Variants in NIPAL2 observed in about 807,000 individuals in gnomAD.
NIPAL2 encodes the protein NIPA like domain containing 2.
In NIPAL2, 43 loss-of-function variants were observed where a neutral mutation model predicts 48.9. That is an observed-to-expected ratio of 0.88 (90% confidence interval 0.69 to 1.13). The LOEUF is 1.13. Ranked by LOEUF, NIPAL2 falls within the 50% of genes most tolerant of loss-of-function variation. NIPAL2 has a pLI of 0.00. For synonymous variants in NIPAL2, 167 were observed against 174.6 expected, an observed-to-expected ratio of 0.96 and a Z score of 0.34; for missense variants, 446 against 461.4, an observed-to-expected ratio of 0.97 and a Z score of 0.31.
chr8:98,247,233 A>G (rs1433419471), intron 3 of NIPAL2, among the ~76,000 whole-genome samples: 1 of 152,224 alleles, frequency 6.6e-6, no homozygotes, highest in African/African-American at 2.4e-5. Context: ...AGAACGGAAC[A>G]TCCTATCCTT....
chr8:98,199,289 C>T (rs1810700479), intron 8 of NIPAL2, among the ~76,000 whole-genome samples: 2 of 152,124 alleles, frequency 1.3e-5, no homozygotes, highest in Admixed American at 1.3e-4. Flanking sequence ...CACAACTTGG[C>T]TAAATGTTTG....
At chr8:98,260,496 C>T (rs1044056756) in intron 1 of NIPAL2, among the ~76,000 whole-genome samples, 11 of 151,660 alleles carry the variant, frequency 7.3e-5, no homozygotes, top group East Asian at 1.9e-4. Context: ...GTTCCCTTTC[C>T]GAGTCAAAGA....
chr8:98,194,946 T>C, intron 9 of NIPAL2, 124 bp from the exon 10 acceptor site: 1 of 519,840 alleles, frequency 1.9e-6, no homozygotes, highest in Non-Finnish European at 3.2e-6. Flanking sequence ...CAGTTTCTCA[T>C]GGTAAGCTTC....
chr8:98,283,906 A>G (rs1370832875), intron 1 of NIPAL2, among the ~76,000 whole-genome samples: 1 of 152,218 alleles, frequency 6.6e-6, no homozygotes, highest in Non-Finnish European at 1.5e-5. Context: ...GATCTCTGCC[A>G]GAGACTCCTG....
chr8:98,195,748 T>G, intron 9 of NIPAL2, 194 bp downstream of exon 9: 1 of 459,674 alleles, frequency 2.2e-6, no homozygotes, highest in Non-Finnish European at 4.0e-6. Flanking sequence ...AGCAGAGATA[T>G]ACCTAAGTCA....
At chr8:98,256,176 A>G (rs546912311) in intron 1 of NIPAL2, among the ~76,000 whole-genome samples, 1 of 152,194 alleles carries the variant, frequency 6.6e-6, no homozygotes, top group South Asian at 2.1e-4. Context: ...GGCGTGCACC[A>G]CCACACCCAG....
At chr8:98,263,219 C>T (rs1814474755) in intron 1 of NIPAL2, among the ~76,000 whole-genome samples, 1 of 129,780 alleles carries the variant, frequency 7.7e-6, no homozygotes, top group East Asian at 2.2e-4. Context: ...ATTAAAAGAA[C>T]TAGAAAAGCA....
At position 98,293,995 on chromosome 8, in the gene NIPAL2, G is replaced by T. The variant is rs943729846; in HGVS notation, c.135+8C>A. 50 of 1,479,304 alleles carry T rather than the reference G, an allele frequency of 3.4e-5. No individual in the cohort carries two copies. Among genetic ancestry groups the T allele is most frequent in the African/African-American group, 4.4e-5 (3 of 68,172 alleles). The allele number at this position is 1,479,304 out of a possible 1,614,324, so 91.6% of individuals were successfully genotyped here. A position where few individuals can be genotyped will look rare whatever the true frequency, so the allele number is the denominator to read the frequency against. On this transcript the variant is annotated splice_region_variant and intron_variant, in intron 1 of 10. Transcript: ENST00000430223. ...ACCGGGCTGCGGTGGCTGCGGGGCGGCCCTTACCTGGTTCCTGCGGTACCA... is the reference window on the plus strand; with the variant it reads ...ACCGGGCTGCGGTGGCTGCGGGGCGTCCCTTACCTGGTTCCTGCGGTACCA...
intron 6 of NIPAL2, among the ~76,000 whole-genome samples, chr8:98,211,096 A>G (rs1811288176): frequency 6.6e-6 from 1 of 152,198 alleles, no homozygotes; most frequent in Admixed American, 6.5e-5. Context: ...TTACAGCTGT[A>G]CTAGTGCAAA....
At chr8:98,280,431 A>G (rs1402526074) in intron 1 of NIPAL2, among the ~76,000 whole-genome samples, 2 of 152,136 alleles carry the variant, frequency 1.3e-5, no homozygotes, top group Non-Finnish European at 2.9e-5. Context: ...AGTGTCTTGT[A>G]TCAGCAATAG....
intron 8 of NIPAL2, among the ~76,000 whole-genome samples, chr8:98,197,942 C>T (rs1810622266): frequency 6.6e-6 from 1 of 152,216 alleles, no homozygotes; most frequent in African/African-American, 2.4e-5. Flanking sequence ...ATATTTTAGC[C>T]TCCTCCCATG....
chr8:98,218,062 C>A (rs918251884), intron 5 of NIPAL2, among the ~76,000 whole-genome samples: 4 of 152,182 alleles, frequency 2.6e-5, no homozygotes, highest in African/African-American at 9.6e-5. Flanking sequence ...TAGTTTGGAT[C>A]TCTTCAAATG....
intron 8 of NIPAL2, among the ~76,000 whole-genome samples, chr8:98,201,250 T>A (rs1348021233): frequency 6.6e-6 from 1 of 152,114 alleles, no homozygotes. Context: ...ACCATTCCAC[T>A]CACCAATAAC....
At chr8:98,264,448 C>A (rs1171958096) in intron 1 of NIPAL2, among the ~76,000 whole-genome samples, 2 of 148,150 alleles carry the variant, frequency 1.3e-5, no homozygotes, top group Non-Finnish European at 3.0e-5. Flanking sequence ...GATACAAAAT[C>A]AATGTACAAA....
At chr8:98,265,407 T>A (rs1814656079) in intron 1 of NIPAL2, among the ~76,000 whole-genome samples, 4 of 129,452 alleles carry the variant, frequency 3.1e-5, no homozygotes, top group African/African-American at 1.2e-4. Flanking sequence ...ATATCCAGAA[T>A]CTACAATGAA....
intron 6 of NIPAL2, among the ~76,000 whole-genome samples, chr8:98,207,682 G>A (rs1811105911): frequency 6.6e-6 from 1 of 152,062 alleles, no homozygotes; most frequent in Non-Finnish European, 1.5e-5. Flanking sequence ...ATTGCCTGTA[G>A]TTTCAGCACT....
At chr8:98,268,854 TTA>T (rs1365194780) in intron 1 of NIPAL2, among the ~76,000 whole-genome samples, 1 of 152,176 alleles carries the variant, frequency 6.6e-6, no homozygotes, top group Admixed American at 6.5e-5. Context: ...TGCAATAGCA[TTA>T]TGTTTAAAAA....
chr8:98,282,289 C>A (rs867316274), intron 1 of NIPAL2, among the ~76,000 whole-genome samples: 2 of 152,090 alleles, frequency 1.3e-5, no homozygotes, highest in Non-Finnish European at 2.9e-5. Context: ...TTCTGTGCCA[C>A]GGATCCGTAG....
At chr8:98,290,149 C>T (rs1816418372) in intron 1 of NIPAL2, among the ~76,000 whole-genome samples, 2 of 152,164 alleles carry the variant, frequency 1.3e-5, no homozygotes, top group South Asian at 4.1e-4. Flanking sequence ...TAACACATAC[C>T]TTTTGAGGTT....
Sources: gnomAD v4.1 joint callset for allele counts (sites outside exome capture counted in the v4.1 genomes callset) on GRCh38, gnomAD v4.1.1 for gene constraint, MANE v1.5 for transcripts, NCBI Gene and HGNC (gene_info 2026-07-23, HGNC 2026-07-21) for gene names.